The following KIT variants were observed in gnomAD, a reference collection of about 807,000 sequenced individuals.
The protein encoded by KIT is mast/stem cell growth factor receptor Kit.
KIT carries 16 observed loss-of-function variants against 105.7 expected under a neutral mutation model. The observed-to-expected ratio is 0.15, with a 90% confidence interval of 0.10 to 0.23. The LOEUF is 0.23. Ranked by LOEUF, KIT falls within the 10% of genes least tolerant of loss-of-function variation. KIT has a pLI of 1.00. For synonymous variants in KIT, 438 were observed against 441.1 expected (o/e 0.99, Z 0.09); for missense variants, 858 against 1,213.8 (o/e 0.71, Z 4.36).
At chr4:54,683,806 A>G (rs1351642291) in intron 1 of KIT, among the ~76,000 whole-genome samples, 1 of 152,146 alleles carries the variant, frequency 6.6e-6, no homozygotes, top group Non-Finnish European at 1.5e-5. Flanking sequence ...TTTTGCCACC[A>G]GGTGGCACGC....
chr4:54,709,427 C>T lies in KIT; in HGVS notation c.1119C>T (p.Tyr373=), dbSNP rs72549293. ...ACTAGTTGTCTTTTCTTTGTAGATA[C>T]GTAAGTGAACTTCATCTAACGAGAT... The part of the protein sequence containing the change: ...PKSENESNIR[Y]VSELHLTRLK... The change falls in exon 7 of 21, where the codon TAC becomes TAT. Residue 373 remains tyrosine, a synonymous_variant. Transcript: ENST00000288135. The T allele has an allele frequency of 1.6e-3, 2,605 of 1,599,098 alleles. 39 individuals are homozygous for T. The African/African-American group carries it at 0.03, about 18-fold the overall frequency.
At chr4:54,699,565 T>C in intron 3 of KIT, 65 bp from the exon 4 acceptor site, 2 of 1,568,274 alleles carry the variant, frequency 1.3e-6, no homozygotes, top group Non-Finnish European at 1.8e-6. Flanking sequence ...TGAGGAGAAA[T>C]GGTAAATCAA....
At chr4:54,719,140 G>A (rs551584891) in intron 7 of KIT, among the ~76,000 whole-genome samples, 11 of 152,172 alleles carry the variant, frequency 7.2e-5, no homozygotes, top group South Asian at 2.1e-4. Context: ...AAGTGTTTGC[G>A]TTTTTTGTCC....
At chr4:54,706,558 A>G (rs1363388952) in intron 5 of KIT, among the ~76,000 whole-genome samples, 1 of 152,112 alleles carries the variant, frequency 6.6e-6, no homozygotes, top group Non-Finnish European at 1.5e-5. Context: ...TAGAAATTTC[A>G]TAGGAGTCAA....
rs767511834 is a variant in KIT, at chr4:54,728,024, G to A, written c.1893G>A (p.Leu631=). ...TTCCAATTTTAGCGAGTGCCCATTTGACAGAACGGGAAGCCCTCATGTCTG... is the reference window on the plus strand; with the variant it reads ...TTCCAATTTTAGCGAGTGCCCATTTAACAGAACGGGAAGCCCTCATGTCTG... ...AVKMLKPSAH[L]TEREALMSEL... is the part of the protein sequence containing the mutation. The change falls in exon 13 of 21, where the codon TTG becomes TTA. Residue 631 remains leucine (L), a synonymous_variant. Coordinates refer to ENST00000288135, the MANE Select transcript of KIT (RefSeq NM_000222.3). 2 of 1,613,984 alleles carry A rather than the reference G, an allele frequency of 1.2e-6. No homozygotes were observed. Among genetic ancestry groups the A allele is most frequent in the South Asian group, 1.1e-5 (1 of 91,076 alleles).
intron 17 of KIT, among the ~76,000 whole-genome samples, chr4:54,736,031 G>A (rs1722904761): frequency 6.6e-6 from 1 of 152,180 alleles, no homozygotes; most frequent in African/African-American, 2.4e-5. Context: ...TCCTGAAGCT[G>A]CTATACAGCA....
intron 1 of KIT, among the ~76,000 whole-genome samples, chr4:54,690,815 A>T (rs1445954294): frequency 6.6e-6 from 1 of 152,198 alleles, no homozygotes; most frequent in Non-Finnish European, 1.5e-5. Context: ...TTTAAAAAAA[A>T]CTTTGTTTTT....
intron 5 of KIT, among the ~76,000 whole-genome samples, chr4:54,704,151 C>T (rs1411634107): frequency 6.6e-6 from 1 of 152,200 alleles, no homozygotes; most frequent in Non-Finnish European, 1.5e-5. Flanking sequence ...CTCCTTTCCC[C>T]ACCAAACAAA....
Position 54,727,422 on chromosome 4 carries a change from A to G in KIT, c.1654A>G (p.Met552Val), listed in dbSNP as rs777596975. 10 of 1,614,056 alleles carry G rather than the reference A, an allele frequency of 6.2e-6. No homozygotes were observed. The highest frequency in any genetic ancestry group is 3.3e-5 in the South Asian group (3 of 91,094). ...TTTCCCTTTCTCCCCACAGAAACCC[A>G]TGTATGAAGTACAGTGGAAGGTTGT... is the stretch of plus-strand genomic sequence containing the variant. Reference protein sequence around the residue: ...ILTYKYLQKPMYEVQWKVVEE... With the variant: ...ILTYKYLQKPVYEVQWKVVEE... Residue 552 changes from methionine (M) to valine (V), a missense_variant, in exon 11 of 21, where the codon ATG becomes GTG. Around this residue, in one of 7 missense-constraint regions of KIT, gnomAD observed 78 missense variants for 77.6 expected, o/e 1.01. Coordinates refer to ENST00000288135, the MANE Select transcript of KIT (RefSeq NM_000222.3).
At chr4:54,690,187 A>G (rs1719607527) in intron 1 of KIT, among the ~76,000 whole-genome samples, 1 of 152,128 alleles carries the variant, frequency 6.6e-6, no homozygotes, top group African/African-American at 2.4e-5. Context: ...GCTATGGTGA[A>G]TAATACTGCT....
At chr4:54,660,218 A>G (rs972381733) in intron 1 of KIT, among the ~76,000 whole-genome samples, 3 of 152,176 alleles carry the variant, frequency 2.0e-5, no homozygotes, top group Non-Finnish European at 2.9e-5. Context: ...TGACTGAAGC[A>G]AGGAGCTGTG....
chr4:54,729,255 C>G, intron 13 of KIT, 80 bp from the exon 14 acceptor site: 1 of 1,482,982 alleles, frequency 6.7e-7, no homozygotes, highest in Non-Finnish European at 9.4e-7. Flanking sequence ...TGGCCATGAC[C>G]ACCCTTGGGT....
chr4:54,676,533 A>C (rs1318194794), intron 1 of KIT, among the ~76,000 whole-genome samples: 1 of 152,228 alleles, frequency 6.6e-6, no homozygotes, highest in Non-Finnish European at 1.5e-5. Flanking sequence ...ACAGGAAAAC[A>C]GACAACTGGA....
At chr4:54,723,767 A>G in intron 8 of KIT, 69 bp downstream of exon 8, 1 of 989,666 alleles carries the variant, frequency 1.0e-6, no homozygotes, top group Non-Finnish European at 1.6e-6. Context: ...TGAATTTCAA[A>G]TATGTTTTCT....
At chr4:54,701,859 T>C (rs192419467) in intron 4 of KIT, among the ~76,000 whole-genome samples, 1 of 152,348 alleles carries the variant, frequency 6.6e-6, no homozygotes, top group East Asian at 1.9e-4. Context: ...TTACATCTTC[T>C]TGACAATTGA....
chr4:54,696,098 A>G (rs1012186417), intron 2 of KIT, among the ~76,000 whole-genome samples: 4 of 152,022 alleles, frequency 2.6e-5, no homozygotes, highest in African/African-American at 9.7e-5. Context: ...CTGCATTTTA[A>G]TGCCTTGAGA....
chr4:54,666,349 C>T lies in KIT; in HGVS notation c.67+8268C>T, dbSNP rs184205288. Reference sequence around the variant, plus strand: ...GGCTGGAGTGCAGTGGTGTGATCTCCGCTCACTGCAGCCTCCACCTCCCGG... The same window carrying T: ...GGCTGGAGTGCAGTGGTGTGATCTCTGCTCACTGCAGCCTCCACCTCCCGG... On this transcript the variant is annotated intron_variant, in intron 1 of 20. Coordinates refer to ENST00000288135, the MANE Select transcript of KIT (RefSeq NM_000222.3). Among the ~76,000 whole-genome samples, 511 of 151,590 alleles carry T rather than the reference C, an allele frequency of 3.4e-3. 4 individuals are homozygous for T. The highest frequency in any genetic ancestry group is 5.5e-3 in the Non-Finnish European group (375 of 67,790).
chr4:54,685,501 T>A (rs937360957), intron 1 of KIT, among the ~76,000 whole-genome samples: 2 of 152,208 alleles, frequency 1.3e-5, no homozygotes, highest in African/African-American at 4.8e-5. Context: ...CTCTGGTTGA[T>A]GCCCTCATCA....
chr4:54,722,849 A>ATTTATATATATATG (rs1560413764), intron 7 of KIT, among the ~76,000 whole-genome samples: 12 of 142,792 alleles, frequency 8.4e-5, no homozygotes, highest in African/African-American at 3.2e-4. Flanking sequence ...ATATTTATAT[A>ATTTATATATATATG]TATTTTTATA....
Sources: gnomAD v4.1 joint callset for allele counts (sites outside exome capture counted in the v4.1 genomes callset) on GRCh38, gnomAD v4.1.1 for gene constraint, gnomAD v4.1.1 regional missense constraint, MANE v1.5 for transcripts, NCBI Gene and HGNC (gene_info 2026-07-23, HGNC 2026-07-21) for gene names.